The following PIWIL2 variants were observed in gnomAD, a reference collection of about 807,000 sequenced individuals.
PIWIL2 encodes piwi-like protein 2.
In PIWIL2, 81 loss-of-function variants were observed where a neutral mutation model predicts 116.5. The observed-to-expected ratio is 0.70, with a 90% CI of 0.58 to 0.84. The LOEUF (loss-of-function observed/expected upper bound fraction) is 0.84, where lower values mean the gene tolerates loss of function less well. Among genes scored for constraint, PIWIL2 ranks in the 40% least tolerant of loss-of-function variants. PIWIL2 has a pLI of 0.00. For synonymous variants in PIWIL2, 489 were observed against 429.5 expected, an observed-to-expected ratio of 1.14 and a Z score of -1.71; for missense variants, 1,272 against 1,212.3, an observed-to-expected ratio of 1.05 and a Z score of -0.73.
In PIWIL2 at chr8:22,279,361, C is replaced by G; in HGVS notation, c.-26C>G. The stretch of plus-strand genomic sequence containing the variant: ...GGCAGGTAATTAACCAGAACAGGAT[C>G]GACACGTGTTCTCTACAGCCCGTCC... On this transcript the variant is annotated 5_prime_UTR_variant, in exon 2 of 23. The change creates a new upstream start codon in the 5' untranslated region. Transcript: ENST00000356766. 2 of 1,573,564 alleles carry G rather than the reference C, an allele frequency of 1.3e-6. No homozygotes were observed. Among genetic ancestry groups the G allele is most frequent in the Non-Finnish European group, 1.7e-6 (2 of 1,142,974 alleles).
intron 10 of PIWIL2, among the ~76,000 whole-genome samples, chr8:22,299,915 C>G (rs1831004813): frequency 1.3e-5 from 2 of 151,950 alleles, no homozygotes; most frequent in Admixed American, 1.3e-4. Flanking sequence ...TGTTCTTGTT[C>G]TTTTTTATTG....
At chr8:22,328,692 A>C (rs1018668692) in intron 20 of PIWIL2, among the ~76,000 whole-genome samples, 2 of 151,778 alleles carry the variant, frequency 1.3e-5, no homozygotes, top group African/African-American at 2.4e-5. Context: ...TTTGGATGCT[A>C]TTGTAAATGG....
intron 20 of PIWIL2, among the ~76,000 whole-genome samples, chr8:22,348,811 C>T (rs1301598092): frequency 1.3e-5 from 2 of 152,182 alleles, no homozygotes; most frequent in East Asian, 3.8e-4. Context: ...TATTCTGACT[C>T]ATCCCTCAAT....
chr8:22,334,620 T>C (rs866075346), intron 20 of PIWIL2, among the ~76,000 whole-genome samples: 1 of 152,110 alleles, frequency 6.6e-6, no homozygotes, highest in African/African-American at 2.4e-5. Context: ...GGTTTCTCCA[T>C]GTTGGTCAGG....
At chr8:22,354,962 C>T (rs1221803817) in intron 22 of PIWIL2, among the ~76,000 whole-genome samples, 1 of 151,622 alleles carries the variant, frequency 6.6e-6, no homozygotes, top group Non-Finnish European at 1.5e-5. Flanking sequence ...CCCAGCTACT[C>T]GGGAGGCTGA....
intron 20 of PIWIL2, among the ~76,000 whole-genome samples, chr8:22,338,642 A>G (rs747357746): frequency 3.3e-5 from 5 of 152,072 alleles, no homozygotes; most frequent in Non-Finnish European, 5.9e-5. Context: ...CTGTGAGCCA[A>G]CATCACGTCA....
chr8:22,307,875 T>G, intron 13 of PIWIL2, 58 bp from the exon 14 acceptor site: 1 of 1,394,502 alleles, frequency 7.2e-7, no homozygotes, highest in East Asian at 2.4e-5. Context: ...TGGGGTTTAT[T>G]TAACTTCATA....
At chr8:22,290,447 G>C in intron 10 of PIWIL2, 101 bp downstream of exon 10, 2 of 664,180 alleles carry the variant, frequency 3.0e-6, no homozygotes, top group Non-Finnish European at 5.4e-6. Context: ...CTGTTTGTTT[G>C]TTTTTTCCCC....
intron 20 of PIWIL2, among the ~76,000 whole-genome samples, chr8:22,320,280 T>A (rs1485133408): frequency 6.7e-6 from 1 of 148,372 alleles, no homozygotes; most frequent in Non-Finnish European, 1.5e-5. Flanking sequence ...TTTTTTTTTT[T>A]TGAGACGGAG....
At position 22,354,128 on chromosome 8, in the gene PIWIL2, C is replaced by G. The variant is rs1407704849; in HGVS notation, c.2658-143C>G. On this transcript the variant is annotated intron_variant, in intron 21 of 22. Coordinates refer to ENST00000356766, the MANE Select transcript of PIWIL2 (RefSeq NM_018068.5). ...TGAGTCAGGAGACCTGGGTTCTAAT[C>G]CTGGTCTGGCCTCTGTGTCCTTGAT... 3 of 610,806 alleles carry G rather than the reference C, an allele frequency of 4.9e-6. No homozygotes were observed. The African/African-American group carries it at 5.5e-5, about 11-fold the overall frequency. 37.8% of individuals were successfully genotyped at this position (610,806 alleles called of 1,614,324 possible). A position where few individuals can be genotyped will look rare whatever the true frequency, so the allele number is the denominator to read the frequency against.
chr8:22,323,272 C>G (rs10101724), intron 20 of PIWIL2, among the ~76,000 whole-genome samples: 2 of 151,530 alleles, frequency 1.3e-5, no homozygotes, highest in Admixed American at 1.3e-4. Flanking sequence ...CTCAGCTTCC[C>G]GAGTAGCTGG....
intron 10 of PIWIL2, among the ~76,000 whole-genome samples, chr8:22,299,975 T>A (rs548793680): frequency 4.6e-5 from 7 of 152,182 alleles, no homozygotes; most frequent in African/African-American, 1.7e-4. Context: ...AATCTCTCCC[T>A]GTCACCCAGG....
intron 2 of PIWIL2, 56 bp from the exon 3 acceptor site, chr8:22,281,064 C>T (rs1429416549): frequency 2.9e-6 from 3 of 1,027,196 alleles, no homozygotes; most frequent in East Asian, 2.5e-5. Flanking sequence ...TAAGAAAGCC[C>T]TTGTTTCTGG....
At chr8:22,304,291 A>G (rs1280134338) in intron 11 of PIWIL2, 82 bp downstream of exon 11, 7 of 807,054 alleles carry the variant, frequency 8.7e-6, no homozygotes, top group African/African-American at 1.7e-5. Flanking sequence ...GAGTTCTGCA[A>G]TAGCATACCA....
At chr8:22,325,593 C>G (rs1831706646) in intron 20 of PIWIL2, among the ~76,000 whole-genome samples, 1 of 147,722 alleles carries the variant, frequency 6.8e-6, no homozygotes, top group South Asian at 2.2e-4. Context: ...AAGTGATTCT[C>G]CTGTCTCAGC....
chr8:22,289,848 G>A lies in PIWIL2; in HGVS notation c.988G>A (p.Val330Ile), dbSNP rs1265535850. Residue 330 changes from valine to isoleucine, a missense_variant and splice_region_variant, in exon 9 of 23, where the codon GTA (valine) becomes ATA (isoleucine). Physicochemically the swap from Val to Ile is conservative, Grantham distance 29 (BLOSUM62 3). Transcript: ENST00000356766. Reference protein sequence around the residue: ...IPFYNVVFRRVMKLLDMKLVG... With the variant: ...IPFYNVVFRRIMKLLDMKLVG... Reference sequence around the variant, plus strand: ...ACTCATACTTGCTTTTTATTTCAGGGTAATGAAACTTTTAGATATGAAGCT... The same window carrying A: ...ACTCATACTTGCTTTTTATTTCAGGATAATGAAACTTTTAGATATGAAGCT... 2 of 1,588,384 alleles carry A rather than the reference G, an allele frequency of 1.3e-6. No homozygotes were observed. The highest frequency in any genetic ancestry group is 1.7e-4 in the Middle Eastern group (1 of 6,036).
At position 22,288,483 on chromosome 8, in the gene PIWIL2, C is replaced by T. The variant is rs1010515181; in HGVS notation, c.862-59C>T. 11 of 1,414,660 alleles carry T rather than the reference C, an allele frequency of 7.8e-6. No individual in the cohort carries two copies. The African/African-American group carries it at 9.9e-5, about 13-fold the overall frequency. The allele number at this position is 1,414,660 out of a possible 1,614,324, so 87.6% of individuals were successfully genotyped here. On this transcript the variant is annotated intron_variant, in intron 7 of 22. Transcript: ENST00000356766. ...AGAACACAGTTGAATTAGATTAGGA[C>T]TTGGTCATTAGTTCTTAGTTTTGTC...
At chr8:22,340,693 CAAGG>C (rs964601922) in intron 20 of PIWIL2, among the ~76,000 whole-genome samples, 2 of 152,016 alleles carry the variant, frequency 1.3e-5, no homozygotes, top group Non-Finnish European at 2.9e-5. Context: ...CTTGAACAGA[CAAGG>C]AAAGATTTTT....
intron 20 of PIWIL2, among the ~76,000 whole-genome samples, chr8:22,351,479 AT>A: frequency 2.5e-5 from 3 of 119,082 alleles, no homozygotes; most frequent in Non-Finnish European, 5.3e-5. Context: ...ATATATATAT[AT>A]ATAATTTATA....
Sources: gnomAD v4.1 joint callset for allele counts (sites outside exome capture counted in the v4.1 genomes callset) on GRCh38, gnomAD v4.1.1 for gene constraint, MANE v1.5 for transcripts, NCBI Gene and HGNC (gene_info 2026-07-23, HGNC 2026-07-21) for gene names.